The following PAPPA2 variants were observed in gnomAD, a reference collection of about 807,000 sequenced individuals.
PAPPA2 encodes pappalysin-2.
PAPPA2 carries 86 observed loss-of-function variants against 176.4 expected under a neutral mutation model. The ratio of observed to expected loss-of-function variants is 0.49; its 90% confidence interval spans 0.41 to 0.58. The LOEUF (loss-of-function observed/expected upper bound fraction) is 0.58, where lower values mean the gene tolerates loss of function less well. PAPPA2 is among the 20% of genes least tolerant of loss of function. The pLI is 0.00. For synonymous variants in PAPPA2, 809 were observed against 852.2 expected, an observed-to-expected ratio of 0.95 and a Z score of 0.88; for missense variants, 2,073 against 2,256.9, an observed-to-expected ratio of 0.92 and a Z score of 1.65.
At chr1:176,834,414 G>A (rs1312157431) in intron 21 of PAPPA2, among the ~76,000 whole-genome samples, 1 of 152,220 alleles carries the variant, frequency 6.6e-6, no homozygotes, top group African/African-American at 2.4e-5. Flanking sequence ...GGAATGAAGA[G>A]TGGAAGAGTT....
intron 21 of PAPPA2, among the ~76,000 whole-genome samples, chr1:176,802,262 G>A (rs1035511568): frequency 2.4e-4 from 36 of 152,102 alleles, no homozygotes; most frequent in African/African-American, 8.2e-4. Flanking sequence ...AAGATACAAC[G>A]ATACAGGTGA....
At chr1:176,738,338 G>C (rs542958345) in intron 12 of PAPPA2, among the ~76,000 whole-genome samples, 5 of 152,112 alleles carry the variant, frequency 3.3e-5, no homozygotes, top group African/African-American at 9.7e-5. Context: ...AGGGAGAGCC[G>C]TGCTGCTTTG....
chr1:176,697,321 G>A (rs901136211), intron 7 of PAPPA2, among the ~76,000 whole-genome samples: 4 of 152,180 alleles, frequency 2.6e-5, no homozygotes, highest in African/African-American at 9.7e-5. Context: ...TATGCTGCTA[G>A]TATTGGGGGC....
chr1:176,825,588 C>T (rs966994206), intron 21 of PAPPA2, among the ~76,000 whole-genome samples: 6 of 151,822 alleles, frequency 4.0e-5, no homozygotes, highest in Admixed American at 6.6e-5. Flanking sequence ...AAGGTGGGGA[C>T]GATGAGAAAA....
At chr1:176,628,366 C>A (rs767323499) in intron 3 of PAPPA2, among the ~76,000 whole-genome samples, 12 of 152,088 alleles carry the variant, frequency 7.9e-5, no homozygotes, top group Non-Finnish European at 1.3e-4. Context: ...TAGATATTTG[C>A]TGAATAAATA....
intron 1 of PAPPA2, among the ~76,000 whole-genome samples, chr1:176,552,555 T>C (rs1286982209): frequency 1.3e-5 from 2 of 152,016 alleles, no homozygotes; most frequent in African/African-American, 4.8e-5. Context: ...TCCAATTTCT[T>C]GCCTTATAGA....
chr1:176,621,674 T>A (rs982631694), intron 3 of PAPPA2, among the ~76,000 whole-genome samples: 1 of 143,816 alleles, frequency 7.0e-6, no homozygotes. Context: ...ATGGCAACAA[T>A]TTTTTTTTTT....
intron 2 of PAPPA2, among the ~76,000 whole-genome samples, chr1:176,582,478 T>G (rs1374243242): frequency 6.6e-6 from 1 of 152,210 alleles, no homozygotes; most frequent in Non-Finnish European, 1.5e-5. Context: ...TTAAGGTACT[T>G]TCTTTCTACC....
At chr1:176,726,731 G>A (rs961377052) in intron 12 of PAPPA2, among the ~76,000 whole-genome samples, 4 of 152,142 alleles carry the variant, frequency 2.6e-5, no homozygotes, top group Admixed American at 6.5e-5. Flanking sequence ...TTTGTTTGTG[G>A]CAGGTTGGAT....
Position 176,753,255 on chromosome 1 carries a change from A to G in PAPPA2, c.4152-12411A>G, listed in dbSNP as rs191294447. Among the ~76,000 whole-genome samples the G allele has an allele frequency of 9.8e-5, 15 of 152,334 alleles. No homozygotes were observed. The East Asian group carries it at 2.9e-3, about 29-fold the overall frequency. ...CCGGGGCACAGCTCAGTACTTTGCC[A>G]TTCCATCCCTGCTGTAATCAGTCTC... On this transcript the variant is annotated intron_variant, in intron 14 of 22. Transcript: ENST00000367662.
intron 18 of PAPPA2, 130 bp from the exon 19 acceptor site, chr1:176,791,217 G>A (rs952293049): frequency 2.1e-5 from 2 of 97,430 alleles, no homozygotes; most frequent in Non-Finnish European, 3.6e-5. Flanking sequence ...GTAACAATAT[G>A]TTGTTTCAAT....
At chr1:176,675,135 C>T (rs747857279) in intron 4 of PAPPA2, among the ~76,000 whole-genome samples, 15 of 151,884 alleles carry the variant, frequency 9.9e-5, no homozygotes, top group Non-Finnish European at 1.6e-4. Flanking sequence ...TTTTATGTTT[C>T]CTCCTGAAAC....
chr1:176,690,618 A>G, intron 5 of PAPPA2, 188 bp downstream of exon 5: 1 of 1,396,494 alleles, frequency 7.2e-7, no homozygotes, highest in Non-Finnish European at 9.3e-7. Flanking sequence ...AAATACTGAC[A>G]TATTAAGGTA....
At position 176,844,301 on chromosome 1, in the gene PAPPA2, CACTAGAGCAATGGCTGTGCAAATAGGAA is replaced by C. The variant is rs1667586943; in HGVS notation, c.*1848_*1875del. On this transcript the variant is annotated 3_prime_UTR_variant, in exon 23 of 23. Transcript: ENST00000367662. ...ACAGTTTTTCTACTCTTCCCATCAACACTAGAGCAATGGCTGTGCAAATAGGAATAGGAAATACTACCACAATGATAGA... is the reference window on the plus strand; with the variant it reads ...ACAGTTTTTCTACTCTTCCCATCAACTAGGAAATACTACCACAATGATAGA... 1 of 152,136 alleles carries C rather than the reference CACTAGAGCAATGGCTGTGCAAATAGGAA, an allele frequency of 6.6e-6. No homozygotes were observed. The highest frequency in any genetic ancestry group is 2.4e-5 in the African/African-American group (1 of 41,424). 9.4% of individuals were successfully genotyped at this position (152,136 alleles called of 1,614,324 possible). A position where few individuals can be genotyped will look rare whatever the true frequency, so the allele number is the denominator to read the frequency against.
chr1:176,840,328 TC>T (rs1667439644), intron 22 of PAPPA2, 57 bp downstream of exon 22: 2 of 1,357,552 alleles, frequency 1.5e-6, no homozygotes, highest in Non-Finnish European at 2.1e-6. Flanking sequence ...AAAGGCAGGG[TC>T]TTCAGCTAGC....
chr1:176,677,881 G>T (rs532113544), intron 4 of PAPPA2, among the ~76,000 whole-genome samples: 26 of 152,176 alleles, frequency 1.7e-4, no homozygotes, highest in Non-Finnish European at 3.4e-4. Flanking sequence ...AAAACAGTCT[G>T]CCCTTAAGGG....
At chr1:176,752,765 G>A (rs954554549) in intron 14 of PAPPA2, among the ~76,000 whole-genome samples, 5 of 152,198 alleles carry the variant, frequency 3.3e-5, no homozygotes, top group African/African-American at 1.2e-4. Flanking sequence ...ATGAATTTGG[G>A]TAACATGCCA....
At chr1:176,745,282 A>T (rs1174484409) in intron 14 of PAPPA2, among the ~76,000 whole-genome samples, 1 of 152,204 alleles carries the variant, frequency 6.6e-6, no homozygotes, top group African/African-American at 2.4e-5. Context: ...TTGCTGTGAC[A>T]TGCTTGGCCA....
Position 176,638,939 on chromosome 1 carries a change from C to CGTGTGTGTGT in PAPPA2, c.1992-32008_1992-31999dup, listed in dbSNP as rs34264749. Among the ~76,000 whole-genome samples the CGTGTGTGTGT allele has an allele frequency of 4.1e-4, 58 of 143,126 alleles. No individual in the cohort carries two copies. The South Asian group carries it at 4.3e-3, about 11-fold the overall frequency. The allele number at this position is 143,126 out of a possible 152,430, so 93.9% of individuals were successfully genotyped here. ...GTGTGTGTGTGTGCATGTGCATGTG[C>CGTGTGTGTGT]GTGTGTGTGTGTGTGTGTGTGTGTG... On this transcript the variant is annotated intron_variant, in intron 3 of 22. Transcript: ENST00000367662.
Sources: allele counts gnomAD v4.1 joint callset (sites outside exome capture counted in the v4.1 genomes callset), GRCh38; gene constraint gnomAD v4.1.1; transcripts MANE v1.5; gene names NCBI Gene and HGNC (gene_info 2026-07-23, HGNC 2026-07-21).